DIAPH3: variants seen among roughly 807,000 people sequenced by gnomAD.
The protein encoded by DIAPH3 is protein diaphanous homolog 3.
A neutral mutation model predicts 144.3 loss-of-function variants in DIAPH3; 117 were observed. That is an observed-to-expected ratio of 0.81 (90% confidence interval 0.70 to 0.95). The LOEUF (loss-of-function observed/expected upper bound fraction) is 0.95, where lower values mean the gene tolerates loss of function less well. Among genes scored for constraint, DIAPH3 ranks in the 40% least tolerant of loss-of-function variants. DIAPH3 has a pLI of 0.00. For synonymous variants in DIAPH3, 519 were observed against 488.9 expected (o/e 1.06, Z -0.81); for missense variants, 1,421 against 1,412.7 (o/e 1.01, Z -0.09).
chr13:60,134,790 T>G (rs1184639200), intron 1 of DIAPH3, among the ~76,000 whole-genome samples: 2 of 151,270 alleles, frequency 1.3e-5, no homozygotes, highest in Non-Finnish European at 2.9e-5. Flanking sequence ...GCCAAAGAAA[T>G]AAACTATAAA....
intron 1 of DIAPH3, among the ~76,000 whole-genome samples, chr13:60,141,643 T>C (rs954741960): frequency 6.6e-5 from 10 of 152,248 alleles, no homozygotes; most frequent in Non-Finnish European, 1.3e-4. Context: ...AAAACATTCA[T>C]TCATGCAACA....
chr13:60,091,144 C>T (rs756247693), intron 4 of DIAPH3, among the ~76,000 whole-genome samples: 2 of 152,184 alleles, frequency 1.3e-5, no homozygotes, highest in Non-Finnish European at 2.9e-5. Context: ...ATTTACAATT[C>T]CCTAACAGGG....
rs111639309 is a variant in DIAPH3 at position 59,809,142 on chromosome 13, C to A, written c.3163+1646G>T. 8.2e-3 allele frequency among the ~76,000 whole-genome samples: 1,254 copies of A among 152,148 alleles called. 9 individuals are homozygous for A. Among genetic ancestry groups the A allele is most frequent in the South Asian group, 0.032 (152 of 4,824 alleles). On this transcript the variant is annotated intron_variant, in intron 25 of 27. Coordinates refer to ENST00000400324, the MANE Select transcript of DIAPH3 (RefSeq NM_001042517.2). ...TGTGTGATCAGACCCTGGGCAAAAC[C>A]CACAAACAATACATCCAATCTGCCA...
chr13:60,093,393 T>C (rs2058013271), intron 4 of DIAPH3, among the ~76,000 whole-genome samples: 2 of 152,140 alleles, frequency 1.3e-5, no homozygotes, highest in African/African-American at 4.8e-5. Flanking sequence ...GTAGACCCCC[T>C]CCCAGTGTTT....
intron 8 of DIAPH3, among the ~76,000 whole-genome samples, chr13:60,009,355 GA>G: frequency 6.6e-6 from 1 of 152,026 alleles, no homozygotes; most frequent in East Asian, 1.9e-4. Context: ...AAGAAACAAG[GA>G]AAAGGGAAGG....
intron 1 of DIAPH3, 86 bp downstream of exon 1, chr13:60,163,501 T>C: frequency 1.3e-6 from 2 of 1,550,956 alleles, no homozygotes; most frequent in Non-Finnish European, 1.8e-6. Flanking sequence ...TAAAACTTGG[T>C]CCCCAAGTTC....
chr13:59,799,234 C>T (rs1039261163), intron 25 of DIAPH3, among the ~76,000 whole-genome samples: 3 of 151,990 alleles, frequency 2.0e-5, no homozygotes, highest in African/African-American at 7.2e-5. Flanking sequence ...TAGATGCCAA[C>T]TGAACCAGAA....
chr13:59,760,031 G>A (rs929766815), intron 27 of DIAPH3, among the ~76,000 whole-genome samples: 2 of 152,166 alleles, frequency 1.3e-5, no homozygotes, highest in Non-Finnish European at 2.9e-5. Context: ...TATTGTCAAA[G>A]GCTGCAAGTG....
chr13:59,678,663 G>C (rs1028488711), intron 27 of DIAPH3, among the ~76,000 whole-genome samples: 4 of 152,128 alleles, frequency 2.6e-5, no homozygotes, highest in South Asian at 2.1e-4. Flanking sequence ...ACATCTGTTC[G>C]TTTAAATTCT....
At chr13:59,769,509 TG>T (rs1175495212) in intron 27 of DIAPH3, among the ~76,000 whole-genome samples, 2 of 152,096 alleles carry the variant, frequency 1.3e-5, no homozygotes, top group African/African-American at 4.8e-5. Context: ...CAATTCTCTG[TG>T]GGGGTGTCTT....
chr13:59,921,976 G>GA (rs1317073374), intron 18 of DIAPH3, among the ~76,000 whole-genome samples: 2 of 151,994 alleles, frequency 1.3e-5, no homozygotes, highest in Non-Finnish European at 2.9e-5. Context: ...TCAATAGATA[G>GA]AAAAATAATT....
chr13:59,669,024 G>C (rs2032194805), intron 27 of DIAPH3, among the ~76,000 whole-genome samples: 1 of 152,026 alleles, frequency 6.6e-6, no homozygotes, highest in Admixed American at 6.6e-5. Context: ...GACGCCAAAT[G>C]CTGTCTCTAG....
intron 17 of DIAPH3, among the ~76,000 whole-genome samples, chr13:59,929,554 CTTTTTTTTTTTT>C (rs1167902415): frequency 2.0e-4 from 11 of 56,088 alleles, no homozygotes; most frequent in East Asian, 6.3e-4. Flanking sequence ...AAATTTTGTT[CTTTTTTTTTTTT>C]TTTTTTTTTT....
intron 27 of DIAPH3, among the ~76,000 whole-genome samples, chr13:59,728,975 G>A (rs1215235158): frequency 2.0e-5 from 3 of 152,152 alleles, no homozygotes; most frequent in African/African-American, 7.2e-5. Context: ...GCACCACGAA[G>A]CCTCCTAGCT....
intron 5 of DIAPH3, among the ~76,000 whole-genome samples, chr13:60,027,021 C>A (rs1163541385): frequency 3.3e-5 from 5 of 152,174 alleles, no homozygotes; most frequent in Admixed American, 6.5e-5. Flanking sequence ...GGAAGGTCAG[C>A]TTTAATACTG....
intron 1 of DIAPH3, among the ~76,000 whole-genome samples, chr13:60,155,891 T>G (rs1313731297): frequency 6.6e-6 from 1 of 152,196 alleles, no homozygotes; most frequent in Non-Finnish European, 1.5e-5. Context: ...TCGTCTGTCC[T>G]CCCAAATTAC....
chr13:59,967,547 T>C lies in DIAPH3; in HGVS notation c.2074+2397A>G, dbSNP rs538475894. Among the ~76,000 whole-genome samples, 4 of 152,316 alleles carry C rather than the reference T, an allele frequency of 2.6e-5. No homozygotes were observed. The South Asian group carries it at 8.3e-4, about 32-fold the overall frequency. On this transcript the variant is annotated intron_variant, in intron 17 of 27. Transcript: ENST00000400324. The stretch of plus-strand genomic sequence containing the variant: ...GTCCTGTCTAAGCTCTCTGGACATC[T>C]TTCTCTTTCCTTCCTTTCTGATCTT...
At chr13:59,816,082 C>G (rs917716457) in intron 24 of DIAPH3, among the ~76,000 whole-genome samples, 6 of 151,816 alleles carry the variant, frequency 4.0e-5, no homozygotes, top group African/African-American at 1.5e-4. Context: ...ATTTTTTTTC[C>G]CATTAGACTC....
intron 9 of DIAPH3, among the ~76,000 whole-genome samples, chr13:59,998,221 A>G (rs1156989504): frequency 6.6e-6 from 1 of 152,164 alleles, no homozygotes; most frequent in African/African-American, 2.4e-5. Context: ...TATAATTTAT[A>G]CCAGGGATAC....
Sources: allele counts gnomAD v4.1 joint callset (sites outside exome capture counted in the v4.1 genomes callset), GRCh38; gene constraint gnomAD v4.1.1; transcripts MANE v1.5; gene names NCBI Gene and HGNC (gene_info 2026-07-23, HGNC 2026-07-21).